Variants in BLM observed in about 807,000 individuals in gnomAD.
The protein encoded by BLM is BLM RecQ like helicase, also known as recQ-like DNA helicase BLM.
A neutral mutation model predicts 135.3 loss-of-function variants in BLM; 95 were observed. The observed-to-expected ratio is 0.70, with a 90% CI of 0.59 to 0.83. The LOEUF (loss-of-function observed/expected upper bound fraction) is 0.83, where lower values mean the gene tolerates loss of function less well. Among genes scored for constraint, BLM ranks in the 40% least tolerant of loss-of-function variants. BLM has a pLI of 0.00. For synonymous variants in BLM, 520 were observed against 589.2 expected, an observed-to-expected ratio of 0.88 and a Z score of 1.70; for missense variants, 1,518 against 1,663.9, an observed-to-expected ratio of 0.91 and a Z score of 1.53.
chr15:90,718,857 ACAGGTGGTATTACCTATGAG>A (rs1894681752), intron 1 of BLM, among the ~76,000 whole-genome samples: 1 of 152,190 alleles, frequency 6.6e-6, no homozygotes, highest in Admixed American at 6.6e-5. Flanking sequence ...CCGCTTCAGG[ACAGGTGGTATTACCTATGAG>A]CAGGAAGGGA....
chr15:90,768,191 C>T (rs1896190781), intron 10 of BLM, among the ~76,000 whole-genome samples: 1 of 152,172 alleles, frequency 6.6e-6, no homozygotes, highest in South Asian at 2.1e-4. Context: ...GATCTGCCCA[C>T]CTCGGCCTCC....
At chr15:90,724,825 G>T (rs1043115179) in intron 1 of BLM, among the ~76,000 whole-genome samples, 2 of 152,068 alleles carry the variant, frequency 1.3e-5, no homozygotes, top group Non-Finnish European at 2.9e-5. Context: ...TTTTACGTAG[G>T]CCTCCTTACC....
At chr15:90,795,896 A>G (rs1596261271) in intron 16 of BLM, among the ~76,000 whole-genome samples, 1 of 152,226 alleles carries the variant, frequency 6.6e-6, no homozygotes, top group Non-Finnish European at 1.5e-5. Context: ...AACTGAGAAG[A>G]TGGGAGCTGA....
chr15:90,804,418 T>G (rs958930670), intron 19 of BLM, 59 bp downstream of exon 19: 1 of 1,511,460 alleles, frequency 6.6e-7, no homozygotes, highest in Non-Finnish European at 9.2e-7. Flanking sequence ...AAGTTAATCT[T>G]GCTAGGGAAC....
At position 90,758,687 on chromosome 15, in the gene BLM, T is replaced by C. The variant is rs148156043; in HGVS notation, c.1088-1460T>C. Among the ~76,000 whole-genome samples the C allele has an allele frequency of 1.0e-2, 1,519 of 152,310 alleles. 32 individuals carry two copies. Among genetic ancestry groups the C allele is most frequent in the African/African-American group, 0.033 (1,385 of 41,566 alleles). On this transcript the variant is annotated intron_variant, in intron 5 of 21. Transcript: ENST00000355112. ...AAACCTCCATTTCTTTCTATGTGCT[T>C]TCTACTTTTCCTTTGTATCAATCTT...
chr15:90,790,287 C>G (rs1187265482), intron 14 of BLM: 2 of 335,840 alleles, frequency 6.0e-6, no homozygotes, highest in Non-Finnish European at 1.1e-5. Context: ...ACCTGGATAT[C>G]ATGACTGTGT....
chr15:90,770,503 C>T (rs1381853428), intron 12 of BLM, among the ~76,000 whole-genome samples: 1 of 152,176 alleles, frequency 6.6e-6, no homozygotes, highest in Non-Finnish European at 1.5e-5. Context: ...CTAGGCTGTA[C>T]TGGATTATTT....
intron 8 of BLM, among the ~76,000 whole-genome samples, chr15:90,763,705 G>A (rs1896046979): frequency 6.6e-6 from 1 of 152,222 alleles, no homozygotes; most frequent in Non-Finnish European, 1.5e-5. Context: ...AGAGTGGCAT[G>A]AGGATTAAAT....
At chr15:90,790,605 A>C (rs777672756) in intron 14 of BLM, 44 bp from the exon 15 acceptor site, 1 of 1,570,892 alleles carries the variant, frequency 6.4e-7, no homozygotes, top group African/African-American at 1.3e-5. Context: ...TGTTCCTTCA[A>C]GTCTGTGCCT....
In BLM at chr15:90,761,237, T is replaced by C. The variant is rs1033751385; in HGVS notation, c.1864T>C (p.Ser622Pro). Residue 622 changes from serine (S) to proline (P), a missense_variant, in exon 7 of 22, where the codon TCA (serine) becomes CCA (proline). Coordinates refer to ENST00000355112, the MANE Select transcript of BLM (RefSeq NM_000057.4). Reference protein sequence around the residue: ...STAQNINFSESIQNYTDKSAQ... With the variant: ...STAQNINFSEPIQNYTDKSAQ... ...TGCTCAAAATATAAACTTCTCAGAG[T>C]CAATTCAGAATTATACTGGTAAGTT... 9.1e-6 allele frequency: 14 copies of C among 1,535,682 alleles called. No individual in the cohort carries two copies. The highest frequency in any genetic ancestry group is 1.4e-5 in the African/African-American group (1 of 71,844).
Position 90,790,825 on chromosome 15 carries a change from A to T in BLM, c.3000A>T (p.Arg1000Ser), listed in dbSNP as rs1395403568. 1 of 1,613,992 alleles carries T rather than the reference A, an allele frequency of 6.2e-7. No individual in the cohort carries two copies. Among genetic ancestry groups the T allele is most frequent in the Non-Finnish European group, 8.5e-7 (1 of 1,179,890 alleles). ...TCTATACCTATCATGATGTGACCAG[A>T]CTGAAAAGACTTATAATGAGTAAGC... ...LLFYTYHDVT[R>S]LKRLIMMEKD... The change falls in exon 15 of 22, where the codon AGA becomes AGT. Residue 1000 changes from arginine to serine, a missense_variant. This residue lies in a region of BLM where 626 missense variants were observed against 681.1 expected (regional missense o/e 0.92). Transcript: ENST00000355112.
chr15:90,804,185 GA>G lies in BLM; in HGVS notation c.3581del (p.Asn1194IlefsTer5). On this transcript the variant is annotated frameshift_variant, in exon 19 of 22. Transcript: ENST00000355112. LOFTEE classifies it high-confidence loss of function. ...GNLKVDFMET[E>X]NSSSVKKQKA... The stretch of plus-strand genomic sequence containing the variant: ...CATAAAGGTAGACTTTATGGAAACA[GA>G]AAATTCCAGCAGTGTGAAAAAACAA... 1 of 1,613,996 alleles carries G rather than the reference GA, an allele frequency of 6.2e-7. No individual in the cohort carries two copies. Among genetic ancestry groups the G allele is most frequent in the Non-Finnish European group, 8.5e-7 (1 of 1,179,900 alleles).
chr15:90,763,442 G>C (rs1193758201), intron 8 of BLM, among the ~76,000 whole-genome samples: 1 of 152,080 alleles, frequency 6.6e-6, no homozygotes, highest in Non-Finnish European at 1.5e-5. Flanking sequence ...AAGCAGTTTT[G>C]GAAATCAAAC....
chr15:90,815,173 C>G lies in BLM; in HGVS notation c.4148C>G (p.Ser1383Ter), dbSNP rs1567068960. The change falls in exon 22 of 22, where the codon TCA (serine) becomes TGA (stop). Residue 1383 changes from serine to a stop codon, truncating the protein, a stop_gained. Transcript: ENST00000355112. LOFTEE classifies it high-confidence loss of function. The surrounding 1 kb of genome is among the most constrained non-coding windows in gnomAD (Gnocchi z 4.6). ...AGCATCATTGGATCCAGTTCAGCCT[C>G]ACATACTTCTCAAGCGACATCAGGA... is the stretch of plus-strand genomic sequence containing the variant. ...SSSIIGSSSASHTSQATSGAN... is the reference protein window; with the variant it reads ...SSSIIGSSSA The G allele has an allele frequency of 6.2e-7, 1 of 1,614,202 alleles. No individual in the cohort carries two copies. Among genetic ancestry groups the G allele is most frequent in the Admixed American group, 1.7e-5 (1 of 60,024 alleles).
intron 3 of BLM, among the ~76,000 whole-genome samples, chr15:90,750,359 C>G (rs1045342601): frequency 1.3e-5 from 2 of 152,152 alleles, no homozygotes; most frequent in African/African-American, 2.4e-5. Flanking sequence ...GTTTCAGTTA[C>G]CCGCAGCCGG....
At chr15:90,786,143 A>G (rs751359388) in intron 14 of BLM, among the ~76,000 whole-genome samples, 1 of 151,250 alleles carries the variant, frequency 6.6e-6, no homozygotes, top group African/African-American at 2.4e-5. Context: ...GCGCACCACT[A>G]TGCCTGGCTA....
chr15:90,788,424 A>C (rs1896807225), intron 14 of BLM, among the ~76,000 whole-genome samples: 1 of 143,592 alleles, frequency 7.0e-6, no homozygotes, highest in South Asian at 2.2e-4. Context: ...TACTGATTTT[A>C]GTCTTCCCAA....
chr15:90,798,360 T>C, intron 17 of BLM, 23 bp downstream of exon 17: 1 of 1,609,598 alleles, frequency 6.2e-7, no homozygotes, highest in Non-Finnish European at 8.5e-7. Context: ...TTTTGAATGT[T>C]TGAGTTACTT....
chr15:90,751,577 C>T (rs911153641), intron 3 of BLM, among the ~76,000 whole-genome samples: 7 of 152,194 alleles, frequency 4.6e-5, no homozygotes, highest in Non-Finnish European at 7.3e-5. Context: ...CGGCCTCAGT[C>T]GAGCATTCAC....
Sources: allele counts gnomAD v4.1 joint callset (sites outside exome capture counted in the v4.1 genomes callset), GRCh38; gene constraint gnomAD v4.1.1; regional missense constraint gnomAD v4.1.1; non-coding constraint Gnocchi (gnomAD v3.1); transcripts MANE v1.5; gene names NCBI Gene and HGNC (gene_info 2026-07-23, HGNC 2026-07-21).